ARID2: variants seen among roughly 807,000 people sequenced by gnomAD.
ARID2 encodes the protein AT-rich interactive domain-containing protein 2.
A neutral mutation model predicts 184.6 loss-of-function variants in ARID2; 32 were observed. The ratio of observed to expected loss-of-function variants is 0.17; its 90% CI spans 0.13 to 0.23. The LOEUF is 0.23. ARID2 is among the 10% of genes least tolerant of loss of function. The pLI is 1.00. For missense variants in ARID2, 1,696 were observed against 2,197.6 expected, an observed-to-expected ratio of 0.77 and a Z score of 4.56; for synonymous variants, 836 against 772.6, an observed-to-expected ratio of 1.08 and a Z score of -1.36.
chr12:45,771,697 T>G (rs1941880888), intron 3 of ARID2, among the ~76,000 whole-genome samples: 1 of 151,252 alleles, frequency 6.6e-6, no homozygotes, highest in South Asian at 2.1e-4. Context: ...TAAAACTATA[T>G]ATATATATAT....
At chr12:45,754,669 C>A (rs1565583765) in intron 3 of ARID2, among the ~76,000 whole-genome samples, 1 of 152,202 alleles carries the variant, frequency 6.6e-6, no homozygotes, top group Non-Finnish European at 1.5e-5. Flanking sequence ...TCTTTATAAT[C>A]CCACTTTCCT....
At chr12:45,754,684 A>G (rs1941529371) in intron 3 of ARID2, among the ~76,000 whole-genome samples, 1 of 152,102 alleles carries the variant, frequency 6.6e-6, no homozygotes, top group Admixed American at 6.5e-5. Flanking sequence ...TTTCCTCCTC[A>G]TTTATATCTC....
intron 10 of ARID2, 97 bp from the exon 11 acceptor site, chr12:45,839,232 T>C: frequency 1.8e-6 from 2 of 1,131,000 alleles, no homozygotes; most frequent in Non-Finnish European, 1.2e-6. Flanking sequence ...TAGCATTTAT[T>C]CACATTGATA....
chr12:45,803,640 G>T (rs1317186242), intron 3 of ARID2, among the ~76,000 whole-genome samples: 1 of 151,956 alleles, frequency 6.6e-6, no homozygotes, highest in Non-Finnish European at 1.5e-5. Flanking sequence ...AAATCTTTTG[G>T]CCTACTTCTT....
rs926384456 is a variant in ARID2 at position 45,852,121 on chromosome 12, A to G, written c.3998A>G (p.Asn1333Ser). The G allele has an allele frequency of 6.2e-7, 1 of 1,614,186 alleles. No individual in the cohort carries two copies. The highest frequency in any genetic ancestry group is 8.5e-7 in the Non-Finnish European group (1 of 1,180,012). The part of the protein sequence containing the change: ...SNGPSLELGE[N>S]GASGKQNSEQ... The stretch of plus-strand genomic sequence containing the variant: ...GGGCCATCATTGGAATTAGGTGAGA[A>G]TGGAGCATCTGGGAAACAGAACTCA... Residue 1333 changes from asparagine to serine, a missense_variant, in exon 15 of 21, where the codon AAT becomes AGT. Physicochemically the swap from Asn to Ser is conservative, Grantham distance 46. Transcript: ENST00000334344.
intron 3 of ARID2, among the ~76,000 whole-genome samples, chr12:45,768,670 G>A (rs1941815460): frequency 6.6e-6 from 1 of 152,176 alleles, no homozygotes; most frequent in Non-Finnish European, 1.5e-5. Flanking sequence ...TAAATAAACT[G>A]TAGAAGGGCT....
intron 16 of ARID2, among the ~76,000 whole-genome samples, chr12:45,867,409 C>A (rs1490420039): frequency 6.6e-6 from 1 of 152,044 alleles, no homozygotes; most frequent in African/African-American, 2.4e-5. Flanking sequence ...GTGACCACCA[C>A]ACCCACCTAA....
At chr12:45,822,532 C>G (rs923635126) in intron 6 of ARID2, among the ~76,000 whole-genome samples, 1 of 151,938 alleles carries the variant, frequency 6.6e-6, no homozygotes, top group African/African-American at 2.4e-5. Flanking sequence ...AGAGCAAGAC[C>G]TGTCTCTAAA....
intron 6 of ARID2, among the ~76,000 whole-genome samples, chr12:45,828,656 T>C (rs1326056704): frequency 6.6e-6 from 1 of 152,078 alleles, no homozygotes; most frequent in African/African-American, 2.4e-5. Flanking sequence ...TTTTAACTAT[T>C]ACAGTGAGTG....
rs781522138 is a variant in ARID2, at chr12:45,852,276, G to T, written c.4153G>T (p.Val1385Leu). 1 of 1,614,148 alleles carries T rather than the reference G, an allele frequency of 6.2e-7. No homozygotes were observed. Among genetic ancestry groups the T allele is most frequent in the Non-Finnish European group, 8.5e-7 (1 of 1,180,010 alleles). Residue 1385 changes from valine to leucine, a missense_variant, in exon 15 of 21, where the codon GTA becomes TTA. This residue lies in a region of ARID2 where 428 missense variants were observed against 409.1 expected (regional missense o/e 1.05). Coordinates refer to ENST00000334344, the MANE Select transcript of ARID2 (RefSeq NM_152641.4). Reference sequence around the variant, plus strand: ...TCCAAATCATAAAACTTCCAATCATGTAGGAAATGGTGAGATATCTCCAAT... The same window carrying T: ...TCCAAATCATAAAACTTCCAATCATTTAGGAAATGGTGAGATATCTCCAAT... Reference protein sequence around the residue: ...NIPNHKTSNHVGNGEISPMEP... With the variant: ...NIPNHKTSNHLGNGEISPMEP...
In ARID2 at chr12:45,854,174, C is replaced by T. The variant is rs1003291998; in HGVS notation, c.4773+1278C>T. ...TGATGATCGGTCACTGTCTCCCATT[C>T]CCCAGATGGGACTGTCAAGTTGCAG... On this transcript the variant is annotated intron_variant, in intron 15 of 20. Transcript: ENST00000334344. Among the ~76,000 whole-genome samples, 4 of 152,272 alleles carry T rather than the reference C, an allele frequency of 2.6e-5. 1 individual carries two copies. The East Asian group carries it at 7.7e-4, about 29-fold the overall frequency.
At chr12:45,846,326 A>G (rs902957342) in intron 11 of ARID2, among the ~76,000 whole-genome samples, 9 of 152,276 alleles carry the variant, frequency 5.9e-5, no homozygotes, top group East Asian at 5.8e-4. Flanking sequence ...CTGTATTCCA[A>G]AAATTTTATA....
rs537654989 is a variant in ARID2, at chr12:45,814,303, C to T, written c.418+2752C>T. Reference sequence around the variant, plus strand: ...ATTGAAAACAAAGAGAAGTGACTGCCTCAGATTAAATTTGTCAGTAGTGAC... The same window carrying T: ...ATTGAAAACAAAGAGAAGTGACTGCTTCAGATTAAATTTGTCAGTAGTGAC... On this transcript the variant is annotated intron_variant, in intron 4 of 20. Transcript: ENST00000334344. Among the ~76,000 whole-genome samples the T allele has an allele frequency of 1.8e-4, 27 of 152,242 alleles. 1 individual carries two copies. The highest frequency in any genetic ancestry group is 6.5e-4 in the African/African-American group (27 of 41,554).
intron 3 of ARID2, among the ~76,000 whole-genome samples, chr12:45,810,364 C>T (rs1289894704): frequency 6.6e-6 from 1 of 152,066 alleles, no homozygotes; most frequent in East Asian, 1.9e-4. Flanking sequence ...GGGGGATACA[C>T]TGTCTTATAA....
intron 3 of ARID2, among the ~76,000 whole-genome samples, chr12:45,765,026 A>G (rs1175775296): frequency 6.6e-6 from 1 of 152,198 alleles, no homozygotes; most frequent in African/African-American, 2.4e-5. Flanking sequence ...TAATTTTTAA[A>G]TTAATTTTAG....
chr12:45,810,395 C>T (rs1181061929), intron 3 of ARID2, among the ~76,000 whole-genome samples: 4 of 152,122 alleles, frequency 2.6e-5, no homozygotes, highest in African/African-American at 9.7e-5. Flanking sequence ...ATGTATTAGG[C>T]ATAGTACTTT....
intron 3 of ARID2, among the ~76,000 whole-genome samples, chr12:45,797,983 A>G (rs1942421445): frequency 6.6e-6 from 1 of 152,100 alleles, no homozygotes; most frequent in Admixed American, 6.5e-5. Context: ...GCTAACTGCT[A>G]TTATAGTTTC....
At chr12:45,815,621 G>A (rs773268081) in intron 4 of ARID2, among the ~76,000 whole-genome samples, 6 of 151,882 alleles carry the variant, frequency 4.0e-5, no homozygotes, top group Non-Finnish European at 8.8e-5. Context: ...GTGTGTGTGT[G>A]TTTTTAACTT....
At chr12:45,765,580 A>G (rs1941757221) in intron 3 of ARID2, among the ~76,000 whole-genome samples, 1 of 151,718 alleles carries the variant, frequency 6.6e-6, no homozygotes, top group Admixed American at 6.6e-5. Context: ...GTCCTTCATC[A>G]AGTATGTGAT....
Sources: gnomAD v4.1 joint callset for allele counts (sites outside exome capture counted in the v4.1 genomes callset) on GRCh38, gnomAD v4.1.1 for gene constraint, gnomAD v4.1.1 regional missense constraint, MANE v1.5 for transcripts, NCBI Gene and HGNC (gene_info 2026-07-23, HGNC 2026-07-21) for gene names.